DRC1: variants seen among roughly 807,000 people sequenced by gnomAD.
DRC1 encodes dynein regulatory complex subunit 1.
DRC1 carries 74 observed loss-of-function variants against 98.7 expected under a neutral mutation model. The ratio of observed to expected loss-of-function variants is 0.75; its 90% CI spans 0.62 to 0.91. The LOEUF (loss-of-function observed/expected upper bound fraction) is 0.91. Among genes scored for constraint, DRC1 ranks in the 40% least tolerant of loss-of-function variants. The pLI, the probability that DRC1 is intolerant of heterozygous loss-of-function variation, is 0.00. For missense variants in DRC1, 875 were observed against 886.0 expected (o/e 0.99, Z 0.16); for synonymous variants, 336 against 334.1 (o/e 1.01, Z -0.06).
At chr2:26,447,954 G>A (rs1663900594) in intron 10 of DRC1, among the ~76,000 whole-genome samples, 1 of 151,516 alleles carries the variant, frequency 6.6e-6, no homozygotes, top group South Asian at 2.1e-4. Flanking sequence ...ACCAGGCGCC[G>A]TGGCTCATGC....
chr2:26,439,167 C>T (rs567464831), intron 7 of DRC1, among the ~76,000 whole-genome samples: 3 of 152,224 alleles, frequency 2.0e-5, no homozygotes, highest in South Asian at 4.1e-4. Context: ...AAAGCACCCA[C>T]CCCCCTTGCC....
intron 10 of DRC1, among the ~76,000 whole-genome samples, chr2:26,447,518 G>T (rs1236863324): frequency 2.0e-5 from 3 of 152,158 alleles, no homozygotes; most frequent in Admixed American, 6.5e-5. Flanking sequence ...TTTTGCTTTT[G>T]ATTATTAGGG....
At chr2:26,433,808 A>T (rs1663499149) in intron 7 of DRC1, among the ~76,000 whole-genome samples, 1 of 152,132 alleles carries the variant, frequency 6.6e-6, no homozygotes, top group Non-Finnish European at 1.5e-5. Context: ...TGATGGTGGC[A>T]TGTGTGCAGA....
intron 11 of DRC1, among the ~76,000 whole-genome samples, chr2:26,449,589 A>T (rs977053183): frequency 5.3e-5 from 8 of 152,162 alleles, no homozygotes; most frequent in Middle Eastern, 3.2e-3. Context: ...ACTGCTTTCC[A>T]TGCCTCCCTG....
chr2:26,448,535 C>CT, intron 10 of DRC1, 156 bp from the exon 11 acceptor site: 1 of 824,408 alleles, frequency 1.2e-6, no homozygotes, highest in Non-Finnish European at 2.1e-6. Flanking sequence ...ACGTAATAGG[C>CT]TTTTTTCATC....
chr2:26,402,915 A>G (rs905171733), intron 1 of DRC1, among the ~76,000 whole-genome samples: 5 of 152,166 alleles, frequency 3.3e-5, no homozygotes, highest in African/African-American at 1.2e-4. Context: ...AAAGGGCCAA[A>G]TAGTAAATAT....
chr2:26,448,287 C>A, intron 10 of DRC1: 1 of 458,918 alleles, frequency 2.2e-6, no homozygotes, highest in South Asian at 1.6e-5. Context: ...TTTGAGTTGG[C>A]TGCTTCTGTC....
Position 26,429,566 on chromosome 2 carries a change from G to A in DRC1, c.541-62G>A, listed in dbSNP as rs1663378219. Reference sequence around the variant, plus strand: ...TTCTGGTGAGAGGAGTCTAGAGAGAGTGTTTGGCACCTTCTGCTCCTGACA... The same window carrying A: ...TTCTGGTGAGAGGAGTCTAGAGAGAATGTTTGGCACCTTCTGCTCCTGACA... On this transcript the variant is annotated intron_variant, in intron 4 of 16. Transcript: ENST00000288710. The A allele has an allele frequency of 1.0e-5, 16 of 1,589,352 alleles. No individual in the cohort carries two copies. In the South Asian group the frequency reaches 1.6e-4, roughly 16 times the overall value.
In DRC1 at chr2:26,407,889, C is replaced by T. The variant is rs182124730; in HGVS notation, c.155+5745C>T. ...ATGAGTAGCATATTGTTGTATGTTC[C>T]GTGCACATGTAAGCCTAATGCACGT... On this transcript the variant is annotated intron_variant, in intron 1 of 16. Coordinates refer to ENST00000288710, the MANE Select transcript of DRC1 (RefSeq NM_145038.5). Among the ~76,000 whole-genome samples, 24 of 152,264 alleles carry T rather than the reference C, an allele frequency of 1.6e-4. 1 individual carries two copies. In the East Asian group the frequency reaches 3.3e-3, roughly 21 times the overall value.
intron 1 of DRC1, among the ~76,000 whole-genome samples, chr2:26,410,961 G>A (rs557623484): frequency 6.6e-6 from 1 of 152,366 alleles, no homozygotes; most frequent in South Asian, 2.1e-4. Context: ...GTGAAGGAAA[G>A]TTATTTCCAA....
At chr2:26,456,440 C>T in intron 16 of DRC1, 21 bp from the exon 17 acceptor site, 7 of 1,614,056 alleles carry the variant, frequency 4.3e-6, no homozygotes, top group Non-Finnish European at 5.9e-6. Flanking sequence ...AATGTAACGA[C>T]TTTCACCCTT....
intron 1 of DRC1, among the ~76,000 whole-genome samples, chr2:26,409,634 TA>T (rs1433428508): frequency 6.6e-6 from 1 of 152,148 alleles, no homozygotes; most frequent in African/African-American, 2.4e-5. Flanking sequence ...ATTTTGAAAA[TA>T]AGAGCAATAG....
rs142364411 is a variant in DRC1, at chr2:26,418,342, C to T, written c.244-2946C>T. On this transcript the variant is annotated intron_variant, in intron 2 of 16. Transcript: ENST00000288710. Reference sequence around the variant, plus strand: ...TGTGCAGTTGGGGAAATCCGCATGCCTGCAGGACAGAGCTGGGGGTGGGCT... The same window carrying T: ...TGTGCAGTTGGGGAAATCCGCATGCTTGCAGGACAGAGCTGGGGGTGGGCT... Among the ~76,000 whole-genome samples, 569 of 151,030 alleles carry T rather than the reference C, an allele frequency of 3.8e-3. 6 individuals are homozygous for T. Among genetic ancestry groups the T allele is most frequent in the African/African-American group, 0.013 (538 of 41,042 alleles).
At chr2:26,449,387 C>T (rs1317922541) in intron 11 of DRC1, among the ~76,000 whole-genome samples, 2 of 152,228 alleles carry the variant, frequency 1.3e-5, no homozygotes, top group African/African-American at 4.8e-5. Context: ...TTGGCTGGCT[C>T]TTGCCACTGA....
chr2:26,408,178 C>T (rs1250426600), intron 1 of DRC1, among the ~76,000 whole-genome samples: 2 of 152,118 alleles, frequency 1.3e-5, no homozygotes, highest in African/African-American at 2.4e-5. Context: ...ATAAGGACAA[C>T]CGATTGGAAA....
chr2:26,427,467 A>T (rs1280808203), intron 4 of DRC1, among the ~76,000 whole-genome samples: 1 of 151,962 alleles, frequency 6.6e-6, no homozygotes, highest in Non-Finnish European at 1.5e-5. Flanking sequence ...GTATATATTT[A>T]TGGGGTATAT....
intron 7 of DRC1, among the ~76,000 whole-genome samples, chr2:26,436,902 A>G (rs995320348): frequency 3.3e-5 from 5 of 152,138 alleles, no homozygotes; most frequent in African/African-American, 7.2e-5. Context: ...ACAGCCATTC[A>G]TTGTCATCCC....
intron 8 of DRC1, among the ~76,000 whole-genome samples, chr2:26,442,824 T>C (rs903163543): frequency 2.6e-5 from 4 of 152,188 alleles, no homozygotes; most frequent in Admixed American, 2.6e-4. Flanking sequence ...CTCTGGACTT[T>C]TTTTGTTGAG....
intron 1 of DRC1, among the ~76,000 whole-genome samples, chr2:26,410,944 G>A (rs1678589047): frequency 6.6e-6 from 1 of 152,278 alleles, no homozygotes; most frequent in African/African-American, 2.4e-5. Context: ...AACACTGGAA[G>A]GAAGCAGTGA....
Sources: allele counts gnomAD v4.1 joint callset (sites outside exome capture counted in the v4.1 genomes callset), GRCh38; gene constraint gnomAD v4.1.1; transcripts MANE v1.5; gene names NCBI Gene and HGNC (gene_info 2026-07-23, HGNC 2026-07-21).